Variants in XYLT1 observed in about 807,000 individuals in gnomAD.
XYLT1 encodes the protein beta-D-xylosyltransferase 1.
Under a neutral mutation model 91.3 loss-of-function variants are expected in XYLT1, and 36 were observed. The observed-to-expected ratio is 0.39, with a 90% CI of 0.30 to 0.52. The LOEUF (loss-of-function observed/expected upper bound fraction) is 0.52, where lower values mean the gene tolerates loss of function less well. Among genes scored for constraint, XYLT1 ranks in the 20% least tolerant of loss-of-function variants. XYLT1 has a pLI of 0.68. For missense variants in XYLT1, 1,242 were observed against 1,284.5 expected, an observed-to-expected ratio of 0.97 and a Z score of 0.51; for synonymous variants, 588 against 532.0, an observed-to-expected ratio of 1.11 and a Z score of -1.45.
chr16:17,396,886 C>G (rs1366290886), intron 1 of XYLT1, among the ~76,000 whole-genome samples: 1 of 152,134 alleles, frequency 6.6e-6, no homozygotes, highest in Non-Finnish European at 1.5e-5. Flanking sequence ...AAGTATCTAA[C>G]TAGAGTATCA....
intron 1 of XYLT1, among the ~76,000 whole-genome samples, chr16:17,435,017 C>T (rs1596544133): frequency 1.3e-5 from 2 of 152,338 alleles, no homozygotes; most frequent in East Asian, 1.9e-4. Context: ...ATGGCACACA[C>T]CTTAGTTCAT....
intron 2 of XYLT1, among the ~76,000 whole-genome samples, chr16:17,332,533 G>A (rs1208274987): frequency 6.6e-6 from 1 of 151,182 alleles, no homozygotes; most frequent in Non-Finnish European, 1.5e-5. Context: ...CTGCGCTCCA[G>A]CCTGGGTGAC....
chr16:17,464,471 A>C (rs377031639), intron 1 of XYLT1, among the ~76,000 whole-genome samples: 1 of 136,174 alleles, frequency 7.3e-6, no homozygotes, highest in Non-Finnish European at 1.6e-5. Context: ...CAGGCCGGGC[A>C]ACAGAGCAAA....
At chr16:17,213,649 C>T (rs948358926) in intron 3 of XYLT1, among the ~76,000 whole-genome samples, 7 of 151,806 alleles carry the variant, frequency 4.6e-5, no homozygotes, top group South Asian at 4.1e-4. Context: ...GACTGAGTCT[C>T]GCACTGTCGC....
At chr16:17,192,059 A>T (rs1212315700) in intron 5 of XYLT1, among the ~76,000 whole-genome samples, 1 of 150,822 alleles carries the variant, frequency 6.6e-6, no homozygotes, top group Non-Finnish European at 1.5e-5. Flanking sequence ...TTAGGAAAAG[A>T]CACAGTGTGA....
chr16:17,149,881 A>C (rs73531335), intron 6 of XYLT1, among the ~76,000 whole-genome samples: 3,630 of 152,256 alleles, frequency 0.024, 150 homozygotes, highest in African/African-American at 0.082. Context: ...ATGAGATTGT[A>C]TACAGGGAGG....
At chr16:17,318,763 G>A (rs2034672954) in intron 2 of XYLT1, among the ~76,000 whole-genome samples, 1 of 150,612 alleles carries the variant, frequency 6.6e-6, no homozygotes, top group Admixed American at 6.6e-5. Context: ...AGAACTCCAT[G>A]TGGTTCCATC....
chr16:17,233,226 C>A (rs139196567), intron 3 of XYLT1, among the ~76,000 whole-genome samples: 18 of 152,196 alleles, frequency 1.2e-4, no homozygotes, highest in African/African-American at 4.3e-4. Flanking sequence ...TTCAAGGAGA[C>A]CTCAAGGCAA....
chr16:17,284,901 A>G (rs942133097), intron 2 of XYLT1, among the ~76,000 whole-genome samples: 2 of 152,228 alleles, frequency 1.3e-5, no homozygotes, highest in African/African-American at 2.4e-5. Context: ...AGCACAGGAA[A>G]GCAAGATGGG....
At chr16:17,234,997 G>C (rs1175706937) in intron 3 of XYLT1, among the ~76,000 whole-genome samples, 1 of 151,806 alleles carries the variant, frequency 6.6e-6, no homozygotes, top group Non-Finnish European at 1.5e-5. Flanking sequence ...TTATTAATTT[G>C]GTGTCATCTG....
intron 2 of XYLT1, among the ~76,000 whole-genome samples, chr16:17,326,012 T>C (rs1425835779): frequency 6.6e-6 from 1 of 152,190 alleles, no homozygotes; most frequent in African/African-American, 2.4e-5. Context: ...TACTGAGGTA[T>C]AACTGACATA....
At chr16:17,174,957 A>G (rs1002212609) in intron 5 of XYLT1, among the ~76,000 whole-genome samples, 3 of 152,132 alleles carry the variant, frequency 2.0e-5, no homozygotes, top group African/African-American at 7.2e-5. Flanking sequence ...TTTTTAGTAG[A>G]GACAGGCTTT....
intron 1 of XYLT1, among the ~76,000 whole-genome samples, chr16:17,437,567 T>C (rs1440439414): frequency 6.6e-6 from 1 of 152,168 alleles, no homozygotes; most frequent in Non-Finnish European, 1.5e-5. Context: ...TGCTCAGAGT[T>C]ACATGTCTCT....
chr16:17,308,406 A>C (rs1318625203), intron 2 of XYLT1, among the ~76,000 whole-genome samples: 1 of 152,216 alleles, frequency 6.6e-6, no homozygotes, highest in African/African-American at 2.4e-5. Flanking sequence ...GTCCAACACC[A>C]GGCACAGGAC....
At chr16:17,141,482 G>C in intron 6 of XYLT1, 113 bp from the exon 7 acceptor site, 1 of 1,056,470 alleles carries the variant, frequency 9.5e-7, no homozygotes, top group Non-Finnish European at 1.4e-6. Context: ...TTGAGTGCCT[G>C]CTGTGTGCCA....
At chr16:17,283,020 T>C (rs1205918016) in intron 2 of XYLT1, among the ~76,000 whole-genome samples, 2 of 151,382 alleles carry the variant, frequency 1.3e-5, no homozygotes, top group Non-Finnish European at 2.9e-5. Context: ...CCAGGGCTCA[T>C]CACCTCCAAA....
intron 3 of XYLT1, among the ~76,000 whole-genome samples, chr16:17,234,951 C>CA (rs1307059278): frequency 6.6e-6 from 1 of 151,670 alleles, no homozygotes; most frequent in Admixed American, 6.6e-5. Flanking sequence ...TGCAACTGAG[C>CA]AAAATAGGTA....
At chr16:17,325,817 A>C (rs558071098) in intron 2 of XYLT1, among the ~76,000 whole-genome samples, 6 of 152,212 alleles carry the variant, frequency 3.9e-5, no homozygotes, top group Non-Finnish European at 8.8e-5. Flanking sequence ...GATAATGAGA[A>C]ATTTAAATTC....
At chr16:17,388,672 A>G (rs1210952759) in intron 1 of XYLT1, among the ~76,000 whole-genome samples, 7 of 152,256 alleles carry the variant, frequency 4.6e-5, no homozygotes, top group African/African-American at 1.4e-4. Context: ...GTGCTTTACC[A>G]TAAGATCTTA....
Sources: gnomAD v4.1 joint callset for allele counts (sites outside exome capture counted in the v4.1 genomes callset) on GRCh38, gnomAD v4.1.1 for gene constraint, MANE v1.5 for transcripts, NCBI Gene and HGNC (gene_info 2026-07-23, HGNC 2026-07-21) for gene names.